The following NTRK2 variants were observed in gnomAD, a reference collection of about 807,000 sequenced individuals.
NTRK2 encodes BDNF/NT-3 growth factors receptor.
Under a neutral mutation model 94.5 loss-of-function variants are expected in NTRK2, and 13 were observed. The observed-to-expected ratio is 0.14, with a 90% CI of 0.09 to 0.22. The LOEUF is 0.22. Ranked by LOEUF, NTRK2 falls within the 10% of genes least tolerant of loss-of-function variation. The probability of loss-of-function intolerance (pLI) is 1.00; values close to 1 mark genes in which losing one functional copy is unlikely to be tolerated. For missense variants in NTRK2, 639 were observed against 1,071.2 expected (o/e 0.60, Z 5.63); for synonymous variants, 372 against 407.4 (o/e 0.91, Z 1.05).
intron 14 of NTRK2, among the ~76,000 whole-genome samples, chr9:84,901,913 C>T (rs911872281): frequency 2.0e-5 from 3 of 152,030 alleles, no homozygotes; most frequent in African/African-American, 7.2e-5. Context: ...AGACTATCAT[C>T]AGGCTGGGCA....
intron 14 of NTRK2, among the ~76,000 whole-genome samples, chr9:84,932,050 G>A (rs1340363334): frequency 1.3e-5 from 2 of 152,064 alleles, no homozygotes; most frequent in Admixed American, 6.5e-5. Context: ...GCTCACAAAA[G>A]CATTCATAGC....
chr9:84,820,220 A>T (rs1431557181), intron 12 of NTRK2, among the ~76,000 whole-genome samples: 2 of 136,524 alleles, frequency 1.5e-5, no homozygotes, highest in African/African-American at 5.6e-5. Context: ...CTCAGGCTGG[A>T]GTGCAGTGGT....
intron 17 of NTRK2, among the ~76,000 whole-genome samples, chr9:84,989,702 CA>C (rs2133304252): frequency 6.6e-6 from 1 of 152,330 alleles, no homozygotes; most frequent in South Asian, 2.1e-4. Context: ...AGAGCAGAAC[CA>C]GGCTATAAGC....
At chr9:84,974,890 G>T (rs529756512) in intron 17 of NTRK2, among the ~76,000 whole-genome samples, 1 of 152,256 alleles carries the variant, frequency 6.6e-6, no homozygotes, top group South Asian at 2.1e-4. Flanking sequence ...ATATCCCCTG[G>T]GTGTGGCATA....
intron 17 of NTRK2, among the ~76,000 whole-genome samples, chr9:85,011,648 C>A (rs763668105): frequency 1.3e-5 from 2 of 152,198 alleles, no homozygotes; most frequent in African/African-American, 2.4e-5. Flanking sequence ...TGGCTGGAAC[C>A]TTGACCTTCA....
At chr9:84,885,642 A>G (rs2076390895) in intron 14 of NTRK2, among the ~76,000 whole-genome samples, 1 of 152,200 alleles carries the variant, frequency 6.6e-6, no homozygotes, top group African/African-American at 2.4e-5. Context: ...GTTATTTCCT[A>G]TGAGACTTAT....
intron 12 of NTRK2, among the ~76,000 whole-genome samples, chr9:84,800,234 G>T (rs576718349): frequency 6.6e-6 from 1 of 150,754 alleles, no homozygotes; most frequent in African/African-American, 2.4e-5. Flanking sequence ...ATGGAGTCTC[G>T]CTCTGTCGCC....
chr9:84,806,730 A>C (rs1387207243), intron 12 of NTRK2, among the ~76,000 whole-genome samples: 1 of 152,240 alleles, frequency 6.6e-6, no homozygotes, highest in Non-Finnish European at 1.5e-5. Flanking sequence ...TGCTCCACAA[A>C]TATCAAATTA....
At chr9:84,918,301 C>T (rs2077458890) in intron 14 of NTRK2, among the ~76,000 whole-genome samples, 1 of 152,198 alleles carries the variant, frequency 6.6e-6, no homozygotes, top group African/African-American at 2.4e-5. Flanking sequence ...GTCTTCCTAC[C>T]TCTTTTCTGC....
At chr9:84,992,109 G>C (rs1829152981) in intron 17 of NTRK2, among the ~76,000 whole-genome samples, 1 of 152,148 alleles carries the variant, frequency 6.6e-6, no homozygotes, top group Non-Finnish European at 1.5e-5. Context: ...TATTTTTCTA[G>C]TTGGTGGATG....
intron 12 of NTRK2, among the ~76,000 whole-genome samples, chr9:84,799,477 A>C (rs868028964): frequency 6.6e-6 from 1 of 152,122 alleles, no homozygotes. Context: ...GCTCTAGGTG[A>C]GTTTTTGTCA....
intron 12 of NTRK2, among the ~76,000 whole-genome samples, chr9:84,818,628 G>A (rs115334870): frequency 5.8e-4 from 88 of 152,310 alleles, no homozygotes; most frequent in African/African-American, 2.1e-3. Context: ...CCCAGAGCAC[G>A]TTTGCTTTGT....
At chr9:84,838,736 A>G (rs996950847) in intron 12 of NTRK2, among the ~76,000 whole-genome samples, 1 of 152,208 alleles carries the variant, frequency 6.6e-6, no homozygotes, top group African/African-American at 2.4e-5. Context: ...ATAATAGTTC[A>G]CTATTTTGTG....
chr9:84,816,751 C>T (rs151306097), intron 12 of NTRK2, among the ~76,000 whole-genome samples: 1 of 138,022 alleles, frequency 7.2e-6, no homozygotes, highest in East Asian at 2.2e-4. Context: ...TGCACTCCAG[C>T]CTGGATGACA....
chr9:84,980,098 G>A (rs1400319472), intron 17 of NTRK2, among the ~76,000 whole-genome samples: 1 of 152,182 alleles, frequency 6.6e-6, no homozygotes, highest in Non-Finnish European at 1.5e-5. Context: ...TATCTCTGAG[G>A]CATGTCTGTA....
intron 17 of NTRK2, among the ~76,000 whole-genome samples, chr9:85,010,894 C>G (rs972380095): frequency 6.6e-6 from 1 of 152,072 alleles, no homozygotes; most frequent in Non-Finnish European, 1.5e-5. Flanking sequence ...GTACAGTATA[C>G]AAGCAGGGTG....
chr9:84,715,497 A>G (rs996911502), intron 6 of NTRK2, among the ~76,000 whole-genome samples: 10 of 152,208 alleles, frequency 6.6e-5, no homozygotes, highest in Admixed American at 4.6e-4. Context: ...AAATTTATTC[A>G]TGCTGTAAAA....
chr9:84,874,364 A>G (rs2075989001), intron 14 of NTRK2: 2 of 1,065,102 alleles, frequency 1.9e-6, no homozygotes, highest in South Asian at 4.6e-5. Flanking sequence ...AACAAAGTGA[A>G]GGTTTTCTCC....
chr9:84,750,803 A>G (rs1260405465), intron 11 of NTRK2, among the ~76,000 whole-genome samples: 4 of 152,188 alleles, frequency 2.6e-5, no homozygotes, highest in East Asian at 1.9e-4. Flanking sequence ...GTAAGACTGG[A>G]AGGAGACACA....
Sources: allele counts gnomAD v4.1 joint callset (sites outside exome capture counted in the v4.1 genomes callset), GRCh38; gene constraint gnomAD v4.1.1; transcripts MANE v1.5; gene names NCBI Gene and HGNC (gene_info 2026-07-23, HGNC 2026-07-21).